Variants in CHIC2 observed in about 807,000 individuals in gnomAD.
CHIC2 encodes the protein cysteine rich hydrophobic domain 2, also known as cysteine-rich hydrophobic domain-containing protein 2.
Under a neutral mutation model 25.9 loss-of-function variants are expected in CHIC2, and 14 were observed. The ratio of observed to expected loss-of-function variants is 0.54; its 90% CI spans 0.36 to 0.85. CHIC2 has a LOEUF of 0.85. Among genes scored for constraint, CHIC2 ranks in the 40% least tolerant of loss-of-function variants. The probability of loss-of-function intolerance (pLI) is 0.01; values close to 1 mark genes in which losing one functional copy is unlikely to be tolerated. For missense variants in CHIC2, 146 were observed against 202.0 expected, an observed-to-expected ratio of 0.72 and a Z score of 1.68; for synonymous variants, 70 against 72.0, an observed-to-expected ratio of 0.97 and a Z score of 0.14.
chr4:54,064,234 G>GCAGCTGCTCCTC lies in CHIC2; in HGVS notation c.55_66dup (p.Glu19_Leu22dup), dbSNP rs1717432819. On this transcript the variant is annotated inframe_insertion, in exon 1 of 6. Coordinates refer to ENST00000263921, the MANE Select transcript of CHIC2 (RefSeq NM_012110.4). The surrounding 1 kb of genome is among the most constrained non-coding windows in gnomAD (Gnocchi z 4.2). ...ACCACCGGGTCCGGCGAGTACTTGA[G>GCAGCTGCTCCTC]CAGCTGCTCCTCCAGGGCCCGCTCC... is the stretch of plus-strand genomic sequence containing the variant. 1.9e-6 allele frequency: 3 copies of GCAGCTGCTCCTC among 1,609,330 alleles called. No individual in the cohort carries two copies. The highest frequency in any genetic ancestry group is 1.3e-5 in the African/African-American group (1 of 74,800).
chr4:54,030,803 G>C (rs1716206545), intron 3 of CHIC2, among the ~76,000 whole-genome samples: 1 of 150,744 alleles, frequency 6.6e-6, no homozygotes, highest in African/African-American at 2.4e-5. Flanking sequence ...AAAGTGCTGG[G>C]ATTACAGGAA....
chr4:54,047,635 A>T (rs1182482603), intron 3 of CHIC2, among the ~76,000 whole-genome samples: 1 of 124,044 alleles, frequency 8.1e-6, no homozygotes, highest in African/African-American at 3.0e-5. Context: ...AACACCACAC[A>T]CCGGGGACTG....
intron 3 of CHIC2, among the ~76,000 whole-genome samples, chr4:54,020,355 C>T (rs1034440877): frequency 6.6e-6 from 1 of 152,188 alleles, no homozygotes; most frequent in African/African-American, 2.4e-5. Context: ...CCTAACTCCA[C>T]CGCCTATCCC....
the CHIC2 span, among the ~76,000 whole-genome samples, chr4:54,071,478 A>C: frequency 1.3e-5 from 2 of 152,264 alleles, no homozygotes; most frequent in African/African-American, 4.8e-5. Flanking sequence ...ACTGAAGTAC[A>C]AGGAAGTTAG....
intron 1 of CHIC2, among the ~76,000 whole-genome samples, chr4:54,051,472 T>G (rs918989442): frequency 1.3e-5 from 2 of 152,098 alleles, no homozygotes; most frequent in Non-Finnish European, 2.9e-5. Context: ...TTTTCCATGC[T>G]CCGTAGTTGT....
Position 54,014,133 on chromosome 4 carries a change from G to A in CHIC2, c.331-14C>T, listed in dbSNP as rs757292655. The A allele has an allele frequency of 8.7e-6, 14 of 1,612,026 alleles. No homozygotes were observed. The highest frequency in any genetic ancestry group is 1.7e-4 in the Middle Eastern group (1 of 6,038). ...CGATCTTCGTGTCTGGAAGACAAATGAGAAAAAAGTTTACTCTTGACTGGT... is the reference window on the plus strand; with the variant it reads ...CGATCTTCGTGTCTGGAAGACAAATAAGAAAAAAGTTTACTCTTGACTGGT... On this transcript the variant is annotated splice_polypyrimidine_tract_variant and intron_variant, in intron 3 of 5. Transcript: ENST00000263921.
intron 3 of CHIC2, among the ~76,000 whole-genome samples, chr4:54,043,227 C>T (rs1474489008): frequency 6.6e-6 from 1 of 152,084 alleles, no homozygotes; most frequent in African/African-American, 2.4e-5. Flanking sequence ...TGAGACCATC[C>T]TGCCTAACAC....
chr4:54,064,744 T>A, upstream of CHIC2: 1 of 744,764 alleles, frequency 1.3e-6, no homozygotes, highest in Non-Finnish European at 1.6e-6. The surrounding 1 kb of genome is among the most constrained non-coding windows in gnomAD (Gnocchi z 4.2). Context: ...CGCGCGCACG[T>A]GCGGCCTCGC....
chr4:54,050,845 A>G (rs1305393270), intron 1 of CHIC2, among the ~76,000 whole-genome samples: 1 of 152,110 alleles, frequency 6.6e-6, no homozygotes. Flanking sequence ...CATTTATCAG[A>G]GTAGTCCCCA....
intron 3 of CHIC2, among the ~76,000 whole-genome samples, chr4:54,022,928 G>C (rs1050079665): frequency 1.3e-5 from 2 of 152,096 alleles, no homozygotes; most frequent in African/African-American, 4.8e-5. Context: ...AAGTCTTATA[G>C]GTTAGTTCAG....
At chr4:54,082,218 T>C in the CHIC2 span, among the ~76,000 whole-genome samples, 2 of 152,254 alleles carry the variant, frequency 1.3e-5, no homozygotes, top group South Asian at 4.1e-4. Context: ...ATCTTCTCTC[T>C]GGAGGTGGAT....
At chr4:54,026,544 A>T (rs963655849) in intron 3 of CHIC2, among the ~76,000 whole-genome samples, 2 of 152,236 alleles carry the variant, frequency 1.3e-5, no homozygotes, top group Admixed American at 1.3e-4. Flanking sequence ...TTTGTCAAGA[A>T]CTTTTCTTTT....
intron 5 of CHIC2, among the ~76,000 whole-genome samples, chr4:54,012,275 ATCTTTACTAC>A (rs1715617675): frequency 6.6e-6 from 1 of 152,050 alleles, no homozygotes; most frequent in Non-Finnish European, 1.5e-5. Flanking sequence ...TATTTATTTT[ATCTTTACTAC>A]TCTTCTGGGT....
chr4:54,083,864 C>T, the CHIC2 span, among the ~76,000 whole-genome samples: 1 of 152,152 alleles, frequency 6.6e-6, no homozygotes, highest in Non-Finnish European at 1.5e-5. Flanking sequence ...TACTTCTTCA[C>T]CTGCCACTCA....
intron 3 of CHIC2, among the ~76,000 whole-genome samples, chr4:54,023,222 C>T (rs948123487): frequency 3.3e-5 from 5 of 152,168 alleles, no homozygotes; most frequent in Non-Finnish European, 5.9e-5. Flanking sequence ...GAGCCGGAAC[C>T]GTGCCCTGTA....
chr4:54,080,127 C>CAT, the CHIC2 span, among the ~76,000 whole-genome samples: 7 of 144,348 alleles, frequency 4.8e-5, no homozygotes, highest in Admixed American at 1.4e-4. Context: ...TATATATATA[C>CAT]ATATATATAT....
chr4:54,043,197 G>A (rs1716645095), intron 3 of CHIC2, among the ~76,000 whole-genome samples: 1 of 152,070 alleles, frequency 6.6e-6, no homozygotes, highest in East Asian at 1.9e-4. Context: ...CGAGGCGGAT[G>A]GATCACGAGG....
chr4:54,064,691 G>T (rs1717462613), upstream of CHIC2: 2 of 1,004,742 alleles, frequency 2.0e-6, no homozygotes, highest in Middle Eastern at 4.8e-4. The surrounding 1 kb of genome is among the most constrained non-coding windows in gnomAD (Gnocchi z 4.2). Context: ...GCGGGCGCGT[G>T]CGTGGGCGCG....
the CHIC2 span, among the ~76,000 whole-genome samples, chr4:54,071,425 A>G: frequency 3.4e-4 from 52 of 152,360 alleles, no homozygotes; most frequent in African/African-American, 1.3e-3. Flanking sequence ...AAACATTCCT[A>G]TAACATAGGT....
Sources: allele counts gnomAD v4.1 joint callset (sites outside exome capture counted in the v4.1 genomes callset), GRCh38; gene constraint gnomAD v4.1.1; non-coding constraint Gnocchi (gnomAD v3.1); transcripts MANE v1.5; gene names NCBI Gene and HGNC (gene_info 2026-07-23, HGNC 2026-07-21).